Variants in ACTR3B observed in about 807,000 individuals in gnomAD.
The protein encoded by ACTR3B is actin-related protein 3B.
A neutral mutation model predicts 59.0 loss-of-function variants in ACTR3B; 8 were observed. The ratio of observed to expected loss-of-function variants is 0.14; its 90% CI spans 0.08 to 0.24. ACTR3B has a LOEUF of 0.24. Among genes scored for constraint, ACTR3B ranks in the 10% least tolerant of loss-of-function variants. The pLI, the probability that ACTR3B is intolerant of heterozygous loss-of-function variation, is 1.00. For missense variants in ACTR3B, 245 were observed against 552.3 expected, an observed-to-expected ratio of 0.44 and a Z score of 5.58; for synonymous variants, 148 against 197.9, an observed-to-expected ratio of 0.75 and a Z score of 2.12.
chr7:152,769,381 G>C (rs1400583324), intron 1 of ACTR3B, among the ~76,000 whole-genome samples: 5 of 151,886 alleles, frequency 3.3e-5, no homozygotes, highest in Non-Finnish European at 5.9e-5. Flanking sequence ...CAGCCGAGTT[G>C]TACTTTGTCA....
intron 1 of ACTR3B, among the ~76,000 whole-genome samples, chr7:152,766,287 C>T (rs150322907): frequency 2.6e-5 from 4 of 152,190 alleles, no homozygotes; most frequent in African/African-American, 9.7e-5. Context: ...TGTGACAACA[C>T]GTGTGCAATG....
At chr7:152,783,586 T>TAC (rs1429057168) in intron 2 of ACTR3B, among the ~76,000 whole-genome samples, 102 of 152,244 alleles carry the variant, frequency 6.7e-4, no homozygotes, top group African/African-American at 2.4e-3. Flanking sequence ...TCTCTTGTAC[T>TAC]ACACTATTCA....
chr7:152,820,930 G>T (rs1207698381), intron 7 of ACTR3B, among the ~76,000 whole-genome samples: 3 of 152,230 alleles, frequency 2.0e-5, no homozygotes, highest in African/African-American at 7.2e-5. Flanking sequence ...TGATGGGGGT[G>T]AGCCCAACAC....
At chr7:152,763,791 T>C (rs2098098803) in intron 1 of ACTR3B, among the ~76,000 whole-genome samples, 2 of 152,178 alleles carry the variant, frequency 1.3e-5, no homozygotes. Context: ...TTGAACTCTA[T>C]TATTCTGTCT....
At chr7:152,792,195 C>T (rs2098198889) in intron 2 of ACTR3B, among the ~76,000 whole-genome samples, 1 of 152,104 alleles carries the variant, frequency 6.6e-6, no homozygotes, top group Admixed American at 6.6e-5. Context: ...CCCCCCATTT[C>T]TAATATAATT....
chr7:152,843,114 G>A (rs1797992314), intron 9 of ACTR3B, among the ~76,000 whole-genome samples: 1 of 151,840 alleles, frequency 6.6e-6, no homozygotes, highest in Middle Eastern at 3.2e-3. Flanking sequence ...AGATTTATGT[G>A]TTGCAGATTT....
At chr7:152,853,669 G>T in intron 11 of ACTR3B, 92 bp downstream of exon 11, 1 of 1,152,878 alleles carries the variant, frequency 8.7e-7, no homozygotes, top group South Asian at 1.3e-5. Context: ...AATAGTGTGT[G>T]CCCTAATCGT....
chr7:152,828,636 C>T (rs1470159753), intron 9 of ACTR3B, among the ~76,000 whole-genome samples: 1 of 152,226 alleles, frequency 6.6e-6, no homozygotes, highest in African/African-American at 2.4e-5. Flanking sequence ...AGTCACCTTT[C>T]TCTGGACGGC....
chr7:152,842,777 A>G (rs1299169796), intron 9 of ACTR3B, among the ~76,000 whole-genome samples: 1 of 152,194 alleles, frequency 6.6e-6, no homozygotes, highest in Non-Finnish European at 1.5e-5. Context: ...GATATGTTTT[A>G]TTCTCCTTGG....
intron 2 of ACTR3B, among the ~76,000 whole-genome samples, chr7:152,794,784 A>G (rs896284439): frequency 1.3e-5 from 2 of 152,118 alleles, no homozygotes; most frequent in Non-Finnish European, 2.9e-5. Flanking sequence ...GTTCAGCCCA[A>G]GATCTCCAAT....
Position 152,798,992 on chromosome 7 carries a change from A to G in ACTR3B, c.101-1539A>G, listed in dbSNP as rs1437572095. Among the ~76,000 whole-genome samples the G allele has an allele frequency of 5.9e-5, 9 of 152,304 alleles. No individual in the cohort carries two copies. In the East Asian group the frequency reaches 1.2e-3, roughly 20 times the overall value. ...ACTGTTTGGGGTCTCTTGTGGTTCCATGTGAACTTAGGATTATTTTTTCTG... is the reference window on the plus strand; with the variant it reads ...ACTGTTTGGGGTCTCTTGTGGTTCCGTGTGAACTTAGGATTATTTTTTCTG... On this transcript the variant is annotated intron_variant, in intron 2 of 11. Transcript: ENST00000256001.
chr7:152,838,547 G>A (rs1296021647), intron 9 of ACTR3B, among the ~76,000 whole-genome samples: 4 of 151,702 alleles, frequency 2.6e-5, no homozygotes, highest in Admixed American at 6.6e-5. Flanking sequence ...GGGCCTGTTA[G>A]GGGAGGGAGA....
chr7:152,851,554 C>T (rs527605622), intron 9 of ACTR3B, among the ~76,000 whole-genome samples: 11 of 152,310 alleles, frequency 7.2e-5, no homozygotes, highest in Non-Finnish European at 1.0e-4. Flanking sequence ...GCAGGCGGAG[C>T]GGGACAGGCG....
intron 9 of ACTR3B, among the ~76,000 whole-genome samples, chr7:152,841,937 C>G (rs994251385): frequency 6.6e-6 from 1 of 152,106 alleles, no homozygotes; most frequent in Non-Finnish European, 1.5e-5. Flanking sequence ...TTTAAATGTA[C>G]GGTTTGAAAA....
At chr7:152,826,082 T>A (rs2116881304) in intron 9 of ACTR3B, among the ~76,000 whole-genome samples, 1 of 152,252 alleles carries the variant, frequency 6.6e-6, no homozygotes, top group East Asian at 1.9e-4. Context: ...CAGACTCAGG[T>A]CGCTGAATTG....
In ACTR3B at chr7:152,762,570, A is replaced by G. The variant is rs547012994; in HGVS notation, c.44+2644A>G. Among the ~76,000 whole-genome samples, 69 of 152,278 alleles carry G rather than the reference A, an allele frequency of 4.5e-4. 1 individual carries two copies. Among genetic ancestry groups the G allele is most frequent in the African/African-American group, 1.6e-3 (68 of 41,554 alleles). Reference sequence around the variant, plus strand: ...ATACTTGAATGCGTACTTTCTGAGGACACATTTTCCCTTCTAGAATCACAT... The same window carrying G: ...ATACTTGAATGCGTACTTTCTGAGGGCACATTTTCCCTTCTAGAATCACAT... On this transcript the variant is annotated intron_variant, in intron 1 of 11. Coordinates refer to ENST00000256001, the MANE Select transcript of ACTR3B (RefSeq NM_020445.6).
At chr7:152,820,175 T>C (rs1234364174) in intron 6 of ACTR3B, 124 bp from the exon 7 acceptor site, 1 of 1,517,880 alleles carries the variant, frequency 6.6e-7, no homozygotes, top group Admixed American at 2.0e-5. Context: ...GTGGGGATTA[T>C]GTAAATGCTT....
At chr7:152,812,537 G>T (rs1590337238) in intron 4 of ACTR3B, 1 of 136,554 alleles carries the variant, frequency 7.3e-6, no homozygotes, top group African/African-American at 2.5e-5. Flanking sequence ...TTATTTTATT[G>T]TTTTTTTTTA....
intron 4 of ACTR3B, chr7:152,813,266 T>C (rs1225079448): frequency 7.7e-6 from 1 of 129,304 alleles, no homozygotes; most frequent in Non-Finnish European, 1.6e-5. Flanking sequence ...AATGTATACG[T>C]TTTGCCCAAA....
Sources: gnomAD v4.1 joint callset for allele counts (sites outside exome capture counted in the v4.1 genomes callset) on GRCh38, gnomAD v4.1.1 for gene constraint, MANE v1.5 for transcripts, NCBI Gene and HGNC (gene_info 2026-07-23, HGNC 2026-07-21) for gene names.